Variants in PHF24 observed in about 807,000 individuals in gnomAD.
PHF24 encodes Galpha inhibitory interacting protein.
Under a neutral mutation model 42.6 loss-of-function variants are expected in PHF24, and 25 were observed. The observed-to-expected ratio is 0.59, with a 90% CI of 0.43 to 0.82. The LOEUF is 0.82. PHF24 is among the 40% of genes least tolerant of loss of function. The pLI is 0.00. For synonymous variants in PHF24, 185 were observed against 204.8 expected (o/e 0.90, Z 0.83); for missense variants, 470 against 538.1 (o/e 0.87, Z 1.25).
upstream of PHF24, among the ~76,000 whole-genome samples, chr9:34,952,790 A>G (rs1231341509): frequency 6.6e-6 from 1 of 152,166 alleles, no homozygotes; most frequent in Non-Finnish European, 1.5e-5. Flanking sequence ...TTTAATATAT[A>G]CTCTTTGATG....
chr9:34,865,598 A>AG, the PHF24 span, among the ~76,000 whole-genome samples: 2 of 151,992 alleles, frequency 1.3e-5, no homozygotes, highest in East Asian at 1.9e-4. Context: ...TAATAAAAAA[A>AG]ATAAATGAAA....
chr9:34,978,386 A>T (rs2132941030), exon 8 of PHF24: 1 of 468,616 alleles, frequency 2.1e-6, no homozygotes, highest in South Asian at 2.8e-5. Flanking sequence ...CACCACACTT[A>T]TATACATGTG....
At chr9:34,964,416 A>T (rs1394456595) in intron 1 of PHF24, among the ~76,000 whole-genome samples, 9 of 152,210 alleles carry the variant, frequency 5.9e-5, no homozygotes, top group Admixed American at 5.9e-4. Flanking sequence ...AGAAGAGAAA[A>T]TCAGTAAATG....
chr9:34,723,504 T>C, the PHF24 span: 4 of 1,551,834 alleles, frequency 2.6e-6, no homozygotes. Context: ...TTTTCTTTTC[T>C]GGTTTTGGCC....
the PHF24 span, among the ~76,000 whole-genome samples, chr9:34,935,047 T>C: frequency 3.9e-5 from 6 of 152,050 alleles, no homozygotes; most frequent in East Asian, 1.2e-3. Context: ...AGATGAGAAA[T>C]ATAAGAAAAA....
the PHF24 span, among the ~76,000 whole-genome samples, chr9:34,781,141 C>T: frequency 9.9e-5 from 15 of 152,042 alleles, no homozygotes; most frequent in Non-Finnish European, 1.6e-4. Flanking sequence ...CCAAACTAAC[C>T]GAAAACAGGA....
chr9:34,882,882 G>A, the PHF24 span, among the ~76,000 whole-genome samples: 1 of 152,098 alleles, frequency 6.6e-6, no homozygotes, highest in Non-Finnish European at 1.5e-5. Flanking sequence ...TCGTGTGGAA[G>A]CAAAGAAGGG....
At chr9:34,669,913 G>T in the PHF24 span, among the ~76,000 whole-genome samples, 1 of 152,174 alleles carries the variant, frequency 6.6e-6, no homozygotes, top group Non-Finnish European at 1.5e-5. Context: ...TGTGATTAGA[G>T]AGTTGAGACT....
the PHF24 span, among the ~76,000 whole-genome samples, chr9:34,732,650 T>G: frequency 7.7e-4 from 118 of 152,310 alleles, 1 homozygote; most frequent in East Asian, 0.019. Context: ...TTTTGCTGCT[T>G]TGGCTGTCTG....
the PHF24 span, among the ~76,000 whole-genome samples, chr9:34,939,356 C>A: frequency 2.0e-5 from 3 of 152,054 alleles, no homozygotes; most frequent in Non-Finnish European, 1.5e-5. Flanking sequence ...AAGTAGATGC[C>A]AAGAATCGGT....
chr9:34,774,355 G>A, the PHF24 span, among the ~76,000 whole-genome samples: 2 of 152,008 alleles, frequency 1.3e-5, no homozygotes, highest in African/African-American at 4.8e-5. Flanking sequence ...ATCTGATGAG[G>A]GATTGCTATC....
the PHF24 span, among the ~76,000 whole-genome samples, chr9:34,681,698 C>T: frequency 6.6e-6 from 1 of 152,312 alleles, no homozygotes; most frequent in Non-Finnish European, 1.5e-5. Flanking sequence ...GTAGTCCCAG[C>T]TACTTGGGAG....
the PHF24 span, among the ~76,000 whole-genome samples, chr9:34,745,946 G>T: frequency 6.6e-6 from 1 of 152,050 alleles, no homozygotes; most frequent in South Asian, 2.1e-4. Context: ...AAAAACTTTG[G>T]TAAAACTACC....
At chr9:34,915,173 CAGGTGCATACCACCA>C in the PHF24 span, among the ~76,000 whole-genome samples, 4 of 151,856 alleles carry the variant, frequency 2.6e-5, no homozygotes, top group Non-Finnish European at 4.4e-5. Flanking sequence ...GCTGGGACTA[CAGGTGCATACCACCA>C]TGCCCTGCTA....
the PHF24 span, among the ~76,000 whole-genome samples, chr9:34,764,829 G>A: frequency 6.5e-4 from 99 of 151,750 alleles, no homozygotes; most frequent in Middle Eastern, 0.02. Context: ...TTTCTCTTGT[G>A]GGCATTTAGT....
chr9:34,881,583 C>T, the PHF24 span, among the ~76,000 whole-genome samples: 2 of 152,166 alleles, frequency 1.3e-5, no homozygotes, highest in Non-Finnish European at 2.9e-5. Flanking sequence ...CTATAAACAC[C>T]TCTACACAAA....
the PHF24 span, among the ~76,000 whole-genome samples, chr9:34,940,703 C>T: frequency 1.3e-5 from 2 of 152,186 alleles, no homozygotes; most frequent in Non-Finnish European, 2.9e-5. Flanking sequence ...GTAATCATGC[C>T]GTTGGTAATC....
At chr9:34,883,606 A>G in the PHF24 span, among the ~76,000 whole-genome samples, 2 of 152,270 alleles carry the variant, frequency 1.3e-5, no homozygotes, top group Admixed American at 1.3e-4. Flanking sequence ...CAACAGACAC[A>G]TGAAAAAATG....
chr9:34,786,728 C>T, the PHF24 span, among the ~76,000 whole-genome samples: 1 of 152,308 alleles, frequency 6.6e-6, no homozygotes, highest in African/African-American at 2.4e-5. Flanking sequence ...GGTTTAATTT[C>T]TCAGTGTCTG....
Sources: allele counts gnomAD v4.1 joint callset (sites outside exome capture counted in the v4.1 genomes callset), GRCh38; gene constraint gnomAD v4.1.1; transcripts MANE v1.5; gene names NCBI Gene and HGNC (gene_info 2026-07-23, HGNC 2026-07-21).